ESR1: variants seen among roughly 807,000 people sequenced by gnomAD.
The protein encoded by ESR1 is estrogen receptor.
Under a neutral mutation model 52.7 loss-of-function variants are expected in ESR1, and 12 were observed. The ratio of observed to expected loss-of-function variants is 0.23; its 90% CI spans 0.15 to 0.37. ESR1 has a LOEUF of 0.37. ESR1 is among the 10% of genes least tolerant of loss of function. The pLI is 1.00. For synonymous variants in ESR1, 305 were observed against 316.8 expected, an observed-to-expected ratio of 0.96 and a Z score of 0.39; for missense variants, 584 against 779.7, an observed-to-expected ratio of 0.75 and a Z score of 2.99.
At chr6:152,109,549 G>A (rs2051107155) in intron 6 of ESR1, among the ~76,000 whole-genome samples, 1 of 152,060 alleles carries the variant, frequency 6.6e-6, no homozygotes, top group Non-Finnish European at 1.5e-5. Context: ...ACCTGGGTGT[G>A]GTGGTGCATG....
intron 5 of ESR1, among the ~76,000 whole-genome samples, chr6:152,021,330 CT>C (rs1264617554): frequency 3.9e-5 from 6 of 152,262 alleles, no homozygotes; most frequent in African/African-American, 9.6e-5. Flanking sequence ...CGGACTGGCT[CT>C]CCTTGCTGCT....
chr6:151,846,156 G>A (rs932790162), intron 2 of ESR1, among the ~76,000 whole-genome samples: 4 of 152,144 alleles, frequency 2.6e-5, no homozygotes, highest in Non-Finnish European at 4.4e-5. Context: ...CCATGTGAAT[G>A]AGTCCATGAG....
rs761843408 is a variant in ESR1 at position 152,125,285 on chromosome 6, A to C, written c.870A>C (p.Ala290=). 19 of 1,550,478 alleles carry C rather than the reference A, an allele frequency of 1.2e-5. 1 individual carries two copies. The highest frequency in any genetic ancestry group is 1.7e-4 in the Middle Eastern group (1 of 5,992). Reference sequence around the variant, plus strand: ...TCACAGGTATCTCACATGTAGAAGCAAAGAAGAGAATCCTGAACTTGCATC... The same window carrying C: ...TCACAGGTATCTCACATGTAGAAGCCAAGAAGAGAATCCTGAACTTGCATC... Residue 290 remains alanine, a synonymous_variant, in exon 7 of 7, where the codon GCA becomes GCC. Transcript: ENST00000427531.
At chr6:152,090,847 C>T (rs574292442) in intron 6 of ESR1, among the ~76,000 whole-genome samples, 4 of 152,192 alleles carry the variant, frequency 2.6e-5, no homozygotes, top group South Asian at 2.1e-4. Context: ...GTTTGTACCA[C>T]TCCGTTTCCC....
intron 2 of ESR1, among the ~76,000 whole-genome samples, chr6:151,864,387 G>A (rs1789457968): frequency 6.6e-6 from 1 of 152,132 alleles, no homozygotes; most frequent in African/African-American, 2.4e-5. Context: ...ACCACAATGA[G>A]ATACCATCTC....
chr6:151,735,687 C>G (rs1029491704), intron 2 of ESR1, among the ~76,000 whole-genome samples: 9 of 152,080 alleles, frequency 5.9e-5, no homozygotes, highest in Admixed American at 5.2e-4. Context: ...ACTCTGTACC[C>G]AGGGTCCTTG....
intron 1 of ESR1, among the ~76,000 whole-genome samples, chr6:151,838,889 C>T (rs1432814905): frequency 6.6e-6 from 1 of 152,066 alleles, no homozygotes; most frequent in African/African-American, 2.4e-5. Flanking sequence ...AGATGAATGG[C>T]ATTTTGCTGA....
At chr6:151,973,992 G>C (rs1234002190) in intron 4 of ESR1, among the ~76,000 whole-genome samples, 2 of 152,172 alleles carry the variant, frequency 1.3e-5, no homozygotes, top group Non-Finnish European at 2.9e-5. Flanking sequence ...GCCTTTGTGA[G>C]TATTTGGTCT....
intron 2 of ESR1, among the ~76,000 whole-genome samples, chr6:151,865,344 A>G (rs781536150): frequency 3.3e-5 from 5 of 152,192 alleles, no homozygotes; most frequent in African/African-American, 4.8e-5. Flanking sequence ...CATAGTATGG[A>G]GTAATAATAC....
intron 2 of ESR1, among the ~76,000 whole-genome samples, chr6:151,750,903 T>C (rs1211894703): frequency 1.3e-5 from 2 of 152,200 alleles, no homozygotes; most frequent in Admixed American, 6.5e-5. Context: ...CAAGGATTAT[T>C]TGAGGAGAAC....
intron 3 of ESR1, among the ~76,000 whole-genome samples, chr6:151,907,752 T>C (rs1000811900): frequency 6.6e-6 from 1 of 152,150 alleles, no homozygotes; most frequent in Non-Finnish European, 1.5e-5. Context: ...ATTATCTCAC[T>C]GGGCCAAAAG....
At chr6:151,684,876 G>A (rs851993) in intron 1 of ESR1, among the ~76,000 whole-genome samples, 106,674 of 151,954 alleles carry the variant, frequency 0.7, 38,609 homozygotes, top group African/African-American at 0.88. Context: ...TCTTCCACTA[G>A]GTTTCATTGC....
At chr6:152,069,059 G>A (rs1284792846) in intron 6 of ESR1, among the ~76,000 whole-genome samples, 3 of 137,670 alleles carry the variant, frequency 2.2e-5, no homozygotes, top group Non-Finnish European at 4.5e-5. Context: ...GAACCGCCAG[G>A]CTTGATGGCA....
chr6:151,886,339 G>GATTTCT (rs1300134018), intron 3 of ESR1, among the ~76,000 whole-genome samples: 4 of 152,116 alleles, frequency 2.6e-5, no homozygotes, highest in Non-Finnish European at 5.9e-5. Flanking sequence ...GAAATCAATT[G>GATTTCT]ATGTGCAGGA....
At chr6:151,843,950 G>C (rs1001125627) in intron 2 of ESR1, among the ~76,000 whole-genome samples, 1 of 150,844 alleles carries the variant, frequency 6.6e-6, no homozygotes. Flanking sequence ...TCTTAATCGA[G>C]TAGCATGTGA....
intron 1 of ESR1, among the ~76,000 whole-genome samples, chr6:151,677,026 T>G (rs1562323734): frequency 6.6e-6 from 1 of 152,184 alleles, no homozygotes; most frequent in Non-Finnish European, 1.5e-5. Context: ...TATACATATA[T>G]ATCCATAAAG....
rs1439769328 is a variant in ESR1 at position 151,887,683 on chromosome 6, A to G, written c.760+6912A>G. 5.9e-5 allele frequency among the ~76,000 whole-genome samples: 9 copies of G among 152,254 alleles called. No individual in the cohort carries two copies. The South Asian group carries it at 6.2e-4, about 11-fold the overall frequency. On this transcript the variant is annotated intron_variant, in intron 3 of 7. Coordinates refer to ENST00000206249, the MANE Select transcript of ESR1 (RefSeq NM_000125.4). ...TGAAAATCAAGGCCCTCCATTACCTATTAGGGATGAAGGCAGGTCAGCCTC... is the reference window on the plus strand; with the variant it reads ...TGAAAATCAAGGCCCTCCATTACCTGTTAGGGATGAAGGCAGGTCAGCCTC...
chr6:152,035,152 T>C (rs901252335), intron 5 of ESR1, among the ~76,000 whole-genome samples: 2 of 152,188 alleles, frequency 1.3e-5, no homozygotes, highest in Non-Finnish European at 2.9e-5. Flanking sequence ...ATTTAAAACA[T>C]TCTTAGATAA....
At chr6:151,685,083 A>G (rs2115313946) in intron 1 of ESR1, among the ~76,000 whole-genome samples, 1 of 125,628 alleles carries the variant, frequency 8.0e-6, no homozygotes, top group South Asian at 2.6e-4. Flanking sequence ...GTATTTAAAT[A>G]TCATTTTTGT....
Sources: allele counts gnomAD v4.1 joint callset (sites outside exome capture counted in the v4.1 genomes callset), GRCh38; gene constraint gnomAD v4.1.1; transcripts MANE v1.5; gene names NCBI Gene and HGNC (gene_info 2026-07-23, HGNC 2026-07-21).